The following MARK4 variants were observed in gnomAD, a reference collection of about 807,000 sequenced individuals.
MARK4 encodes MAP/microtubule affinity-regulating kinase 4.
MARK4 carries 19 observed loss-of-function variants against 81.5 expected under a neutral mutation model. The ratio of observed to expected loss-of-function variants is 0.23; its 90% CI spans 0.16 to 0.34. The LOEUF is 0.34. Ranked by LOEUF, MARK4 falls within the 10% of genes least tolerant of loss-of-function variation. MARK4 has a pLI of 1.00. For missense variants in MARK4, 772 were observed against 1,058.8 expected (o/e 0.73, Z 3.76); for synonymous variants, 436 against 439.0 (o/e 0.99, Z 0.08).
Position 45,261,087 on chromosome 19 carries a change from C to T in MARK4, c.252+1898C>T, listed in dbSNP as rs373889715. Among the ~76,000 whole-genome samples the T allele has an allele frequency of 1.4e-4, 21 of 152,234 alleles. No individual in the cohort carries two copies. The South Asian group carries it at 3.3e-3, about 24-fold the overall frequency. ...TTGGATGGACTCTCCCCTGCCCTCA[C>T]GCTGTCTACACCATACACGCAAAAG... On this transcript the variant is annotated intron_variant, in intron 2 of 16. Transcript: ENST00000262891.
chr19:45,285,341 T>G (rs1970728690), intron 12 of MARK4, among the ~76,000 whole-genome samples: 1 of 150,732 alleles, frequency 6.6e-6, no homozygotes, highest in Admixed American at 6.6e-5. Context: ...AGGATCAGGA[T>G]GGAGCTCTGA....
intron 13 of MARK4, among the ~76,000 whole-genome samples, chr19:45,292,586 A>G (rs1209945574): frequency 2.6e-5 from 4 of 152,032 alleles, no homozygotes; most frequent in African/African-American, 9.7e-5. Flanking sequence ...CCTCAAAGAA[A>G]GTAGAAGGGA....
chr19:45,290,021 G>C (rs1217578031), intron 13 of MARK4, among the ~76,000 whole-genome samples: 1 of 150,650 alleles, frequency 6.6e-6, no homozygotes, highest in East Asian at 2.0e-4. Flanking sequence ...GATCACTTGA[G>C]TCCAGGAGGC....
chr19:45,303,070 G>A lies in MARK4; in HGVS notation c.*360G>A, dbSNP rs1022362609. Reference sequence around the variant, plus strand: ...CAAAATTAGGCCTTGGGCAGGGGCAGGGAGAGCTGCTGAGCCTAAAGACTG... The same window carrying A: ...CAAAATTAGGCCTTGGGCAGGGGCAAGGAGAGCTGCTGAGCCTAAAGACTG... On this transcript the variant is annotated 3_prime_UTR_variant, in exon 17 of 17. Coordinates refer to ENST00000262891, the MANE Select transcript of MARK4 (RefSeq NM_001199867.2). 3.9e-5 allele frequency: 11 copies of A among 281,816 alleles called. No homozygotes were observed. Among genetic ancestry groups the A allele is most frequent in the Non-Finnish European group, 7.4e-5 (11 of 149,366 alleles). 17.5% of individuals were successfully genotyped at this position (281,816 alleles called of 1,614,324 possible). A position where few individuals can be genotyped will look rare whatever the true frequency, so the allele number is the denominator to read the frequency against.
intron 12 of MARK4, among the ~76,000 whole-genome samples, chr19:45,286,698 G>A (rs997745628): frequency 6.6e-6 from 1 of 151,962 alleles, no homozygotes; most frequent in African/African-American, 2.4e-5. Flanking sequence ...GGGCAACAGA[G>A]TGAGATCCTG....
At position 45,302,763 on chromosome 19, in the gene MARK4, C is replaced by T. The variant is rs560288423; in HGVS notation, c.*53C>T. The T allele has an allele frequency of 8.0e-5, 122 of 1,530,730 alleles. No homozygotes were observed. The highest frequency in any genetic ancestry group is 1.0e-4 in the Non-Finnish European group (117 of 1,144,410). The allele number at this position is 1,530,730 out of a possible 1,614,324, so 94.8% of individuals were successfully genotyped here. A position where few individuals can be genotyped will look rare whatever the true frequency, so the allele number is the denominator to read the frequency against. On this transcript the variant is annotated 3_prime_UTR_variant, in exon 17 of 17. Transcript: ENST00000262891. The surrounding 1 kb of genome is among the most constrained non-coding windows in gnomAD (Gnocchi z 4.9). ...TTCCTCTCCCTTGTCGCCTTCACTT[C>T]TACAGGAGGGGAAGGGGCCAGGGAG...
At chr19:45,287,949 G>T in intron 13 of MARK4, 1 of 471,342 alleles carries the variant, frequency 2.1e-6, no homozygotes, top group South Asian at 2.3e-5. Flanking sequence ...TTTTAAAAAT[G>T]TGGGAAAGGC....
chr19:45,291,333 C>T (rs2123098330), intron 13 of MARK4, among the ~76,000 whole-genome samples: 1 of 152,322 alleles, frequency 6.6e-6, no homozygotes, highest in East Asian at 1.9e-4. Context: ...TGAGGCTGCC[C>T]CAGCACTGGT....
intron 16 of MARK4, 146 bp downstream of exon 16, chr19:45,300,001 G>A (rs1356185899): frequency 1.1e-5 from 7 of 632,800 alleles, no homozygotes; most frequent in Non-Finnish European, 1.7e-5. Context: ...AGCCTTCTCT[G>A]CCAGCTCCTC....
intron 8 of MARK4, among the ~76,000 whole-genome samples, chr19:45,277,156 A>G (rs1443307516): frequency 1.3e-5 from 2 of 151,340 alleles, no homozygotes; most frequent in African/African-American, 2.4e-5. Flanking sequence ...ACTCACTGCA[A>G]CCTCCACCTC....
At chr19:45,282,434 G>A (rs1970688161) in intron 12 of MARK4, among the ~76,000 whole-genome samples, 1 of 152,032 alleles carries the variant, frequency 6.6e-6, no homozygotes, top group African/African-American at 2.4e-5. Flanking sequence ...GCTCACGCCT[G>A]TAATCCCAGC....
At chr19:45,272,881 C>G (rs1033175937) in intron 8 of MARK4, among the ~76,000 whole-genome samples, 3 of 152,128 alleles carry the variant, frequency 2.0e-5, no homozygotes, top group Non-Finnish European at 4.4e-5. Context: ...GAGCGAGACT[C>G]TGTCTCAAAA....
chr19:45,299,931 A>C, intron 16 of MARK4, 76 bp downstream of exon 16: 1 of 1,442,308 alleles, frequency 6.9e-7, no homozygotes, highest in Non-Finnish European at 9.4e-7. Context: ...ACCCCAGGGC[A>C]TTAGATGGGG....
Position 45,303,276 on chromosome 19 carries a change from CG to C in MARK4, c.*568del, listed in dbSNP as rs1173810886. The C allele has an allele frequency of 1.3e-5, 2 of 155,390 alleles. No homozygotes were observed. Among genetic ancestry groups the C allele is most frequent in the Non-Finnish European group, 2.9e-5 (2 of 69,942 alleles). 9.6% of individuals were successfully genotyped at this position (155,390 alleles called of 1,614,324 possible). A position where few individuals can be genotyped will look rare whatever the true frequency, so the allele number is the denominator to read the frequency against. On this transcript the variant is annotated 3_prime_UTR_variant, in exon 17 of 17. Transcript: ENST00000262891. ...CTTGAGGAGCTGCCGCTGTCACCTA[CG>C]GTTTTTAAGTTATTACACCCCGACC... is the stretch of plus-strand genomic sequence containing the variant.
intron 13 of MARK4, among the ~76,000 whole-genome samples, chr19:45,291,650 C>T (rs911470172): frequency 5.3e-5 from 8 of 152,202 alleles, no homozygotes; most frequent in Admixed American, 1.3e-4. Context: ...GGCTTGGTGG[C>T]GGGCACCTGT....
intron 13 of MARK4, chr19:45,288,399 A>T (rs1970775194): frequency 6.6e-6 from 1 of 152,068 alleles, no homozygotes; most frequent in Non-Finnish European, 1.5e-5. Flanking sequence ...CTAAAAATAT[A>T]AAAATCAGCT....
At chr19:45,274,280 C>T (rs920419820) in intron 8 of MARK4, among the ~76,000 whole-genome samples, 1 of 151,306 alleles carries the variant, frequency 6.6e-6, no homozygotes, top group African/African-American at 2.4e-5. Flanking sequence ...TGATACCAAC[C>T]TTGTGGCAGT....
rs540971776 is a variant in MARK4, at chr19:45,297,902, C to T, written c.1825C>T (p.Pro609Ser). The T allele has an allele frequency of 1.0e-5, 16 of 1,549,996 alleles. 1 individual carries two copies. In the South Asian group the frequency reaches 1.9e-4, roughly 18 times the overall value. Residue 609 changes from proline to serine, a missense_variant, in exon 15 of 17, where the codon CCC becomes TCC. By Grantham distance (74) the Pro-to-Ser change is moderately conservative. Coordinates refer to ENST00000262891, the MANE Select transcript of MARK4 (RefSeq NM_001199867.2). Reference protein sequence around the residue: ...HEAAPLPAGRPRPTTNLFTKL... With the variant: ...HEAAPLPAGRSRPTTNLFTKL... Reference sequence around the variant, plus strand: ...GGCTGCACCCCTGCCCGCCGGGCGGCCCCGCCCCACCACCAACCTCTTCAC... The same window carrying T: ...GGCTGCACCCCTGCCCGCCGGGCGGTCCCGCCCCACCACCAACCTCTTCAC...
chr19:45,288,887 G>T (rs1253386927), intron 13 of MARK4, among the ~76,000 whole-genome samples: 3 of 148,686 alleles, frequency 2.0e-5, no homozygotes. Flanking sequence ...AGCAGCAGCA[G>T]CTTCCCCAGC....
Sources: gnomAD v4.1 joint callset for allele counts (sites outside exome capture counted in the v4.1 genomes callset) on GRCh38, gnomAD v4.1.1 for gene constraint, Gnocchi (gnomAD v3.1) non-coding constraint, MANE v1.5 for transcripts, NCBI Gene and HGNC (gene_info 2026-07-23, HGNC 2026-07-21) for gene names.